The following IGFBPL1 variants were observed in gnomAD, a reference collection of about 807,000 sequenced individuals.
The protein encoded by IGFBPL1 is insulin like growth factor binding protein like 1.
A neutral mutation model predicts 23.9 loss-of-function variants in IGFBPL1; 20 were observed. The observed-to-expected ratio is 0.84, with a 90% CI of 0.59 to 1.22. The LOEUF (loss-of-function observed/expected upper bound fraction) is 1.22. Among genes scored for constraint, IGFBPL1 ranks in the 50% most tolerant of loss-of-function variants. The pLI is 0.00. For missense variants in IGFBPL1, 436 were observed against 379.3 expected (o/e 1.15, Z -1.24); for synonymous variants, 184 against 171.8 (o/e 1.07, Z -0.56).
intron 2 of IGFBPL1, 95 bp downstream of exon 2, chr9:38,413,999 A>AT: frequency 2.5e-6 from 2 of 808,608 alleles, no homozygotes; most frequent in Non-Finnish European, 4.2e-6. Flanking sequence ...AAAGAAAAAC[A>AT]TTTTTACCAC....
At chr9:38,423,815 C>A in intron 1 of IGFBPL1, 150 bp downstream of exon 1, 1 of 789,156 alleles carries the variant, frequency 1.3e-6, no homozygotes, top group Non-Finnish European at 1.7e-6. Flanking sequence ...TCTCTCTGAG[C>A]ACGAGGAGAG....
intron 4 of IGFBPL1, among the ~76,000 whole-genome samples, chr9:38,410,609 T>C (rs556300816): frequency 6.6e-6 from 1 of 152,316 alleles, no homozygotes; most frequent in African/African-American, 2.4e-5. Context: ...ACTGGAGCTG[T>C]TCCTCCAGCT....
At chr9:38,410,773 C>T (rs1483896163) in intron 4 of IGFBPL1, among the ~76,000 whole-genome samples, 1 of 152,230 alleles carries the variant, frequency 6.6e-6, no homozygotes, top group African/African-American at 2.4e-5. Flanking sequence ...ATCCCTTTCC[C>T]GAATTCCCAG....
intron 1 of IGFBPL1, among the ~76,000 whole-genome samples, chr9:38,416,025 G>C (rs1388053784): frequency 6.6e-6 from 1 of 152,154 alleles, no homozygotes; most frequent in Non-Finnish European, 1.5e-5. Context: ...CAGCCACAGA[G>C]AGCCACAACA....
chr9:38,421,511 A>T (rs763560184), intron 1 of IGFBPL1, among the ~76,000 whole-genome samples: 3 of 152,052 alleles, frequency 2.0e-5, no homozygotes, highest in Non-Finnish European at 2.9e-5. Flanking sequence ...TGAACAACAT[A>T]ATAAATACTT....
In IGFBPL1 at chr9:38,406,785, A is replaced by G. The variant is rs1325584245; in HGVS notation, c.*2442T>C. Among the ~76,000 whole-genome samples, 1 of 79,844 alleles carries G rather than the reference A, an allele frequency of 1.3e-5. No individual in the cohort carries two copies. Among genetic ancestry groups the G allele is most frequent in the East Asian group, 4.4e-4 (1 of 2,258 alleles). 52.4% of individuals were successfully genotyped at this position (79,844 alleles called of 152,430 possible). On this transcript the variant is annotated 3_prime_UTR_variant, in exon 5 of 5. Transcript: ENST00000377694. ...TTTGGTGAAAATTTCAGACAGTGTGACATTAATTATTTGTCTTTGCACAGA... is the reference window on the plus strand; with the variant it reads ...TTTGGTGAAAATTTCAGACAGTGTGGCATTAATTATTTGTCTTTGCACAGA...
Position 38,413,370 on chromosome 9 carries a change from T to G in IGFBPL1, c.571-17A>C, listed in dbSNP as rs1563919333. Reference sequence around the variant, plus strand: ...CTTCGTGACCTACAGGGGACAGGAATGCCAGGAGGGGGCTTAGAAAAAGCA... The same window carrying G: ...CTTCGTGACCTACAGGGGACAGGAAGGCCAGGAGGGGGCTTAGAAAAAGCA... On this transcript the variant is annotated splice_polypyrimidine_tract_variant and intron_variant, in intron 2 of 4. Transcript: ENST00000377694. 2 of 1,532,242 alleles carry G rather than the reference T, an allele frequency of 1.3e-6. No homozygotes were observed. Among genetic ancestry groups the G allele is most frequent in the Non-Finnish European group, 1.8e-6 (2 of 1,109,068 alleles). The allele number at this position is 1,532,242 out of a possible 1,614,324, so 94.9% of individuals were successfully genotyped here. A position where few individuals can be genotyped will look rare whatever the true frequency, so the allele number is the denominator to read the frequency against.
chr9:38,418,792 C>T (rs1043222499), intron 1 of IGFBPL1, among the ~76,000 whole-genome samples: 1 of 152,068 alleles, frequency 6.6e-6, no homozygotes, highest in Non-Finnish European at 1.5e-5. Context: ...ATCCAACCAT[C>T]CAAGGGCTAA....
At chr9:38,410,391 G>C (rs544024310) in intron 4 of IGFBPL1, among the ~76,000 whole-genome samples, 1 of 151,950 alleles carries the variant, frequency 6.6e-6, no homozygotes, top group South Asian at 2.1e-4. Flanking sequence ...GCTGAGGCAG[G>C]AGAGTGGCGT....
chr9:38,418,068 T>C, intron 1 of IGFBPL1, among the ~76,000 whole-genome samples: 1 of 152,184 alleles, frequency 6.6e-6, no homozygotes, highest in East Asian at 1.9e-4. Context: ...TATACAACAA[T>C]GAAACACCCC....
chr9:38,408,712 AG>A lies in IGFBPL1; in HGVS notation c.*514del, dbSNP rs968032466. Among the ~76,000 whole-genome samples, 27 of 152,328 alleles carry A rather than the reference AG, an allele frequency of 1.8e-4. No individual in the cohort carries two copies. Among genetic ancestry groups the A allele is most frequent in the African/African-American group, 6.3e-4 (26 of 41,572 alleles). On this transcript the variant is annotated 3_prime_UTR_variant, in exon 5 of 5. Coordinates refer to ENST00000377694, the MANE Select transcript of IGFBPL1 (RefSeq NM_001007563.3). ...CTTAATCTAGGATGGCAGGGCTAAA[AG>A]GGACATTGATAACATCCAGTTAAAA...
intron 1 of IGFBPL1, among the ~76,000 whole-genome samples, chr9:38,420,771 AG>A (rs539424397): frequency 4.2e-4 from 64 of 152,090 alleles, no homozygotes; most frequent in African/African-American, 1.5e-3. Flanking sequence ...CAGGAGGTGG[AG>A]CTTGCAGTGA....
At chr9:38,411,348 A>G (rs12377125) in intron 4 of IGFBPL1, 43 bp downstream of exon 4, 440,250 of 1,534,374 alleles carry the variant, frequency 0.29, 64,899 homozygotes, top group African/African-American at 0.34. Context: ...CAAATATCTC[A>G]TAACATGGGT....
rs546403335 is a variant in IGFBPL1, at chr9:38,413,332, T to A, written c.592A>T (p.Thr198Ser). 6.2e-7 allele frequency: 1 copy of A among 1,613,534 alleles called. No individual in the cohort carries two copies. Among genetic ancestry groups the A allele is most frequent in the African/African-American group, 1.3e-5 (1 of 75,024 alleles). Residue 198 changes from threonine to serine, a missense_variant, in exon 3 of 5, where the codon ACC (threonine) becomes TCC (serine). Physicochemically the swap from Thr to Ser is moderately conservative, Grantham distance 58. Transcript: ENST00000377694. Reference protein sequence around the residue: ...WRKVTKSPEGTQALEELPGDH... With the variant: ...WRKVTKSPEGSQALEELPGDH... Reference sequence around the variant, plus strand: ...CCAGGCAGCTCCTCCAGTGCTTGGGTGCCCTCAGGGGACTTCGTGACCTAC... The same window carrying A: ...CCAGGCAGCTCCTCCAGTGCTTGGGAGCCCTCAGGGGACTTCGTGACCTAC...
rs543647255 is a variant in IGFBPL1, at chr9:38,416,153, C to T, written c.461-1950G>A. On this transcript the variant is annotated intron_variant, in intron 1 of 4. Coordinates refer to ENST00000377694, the MANE Select transcript of IGFBPL1 (RefSeq NM_001007563.3). ...CTGGGATGCCGCCTCCAGGGAAGCC[C>T]AAACCAGTGCTCCAGTGGCTCGCTG... 5.9e-5 allele frequency among the ~76,000 whole-genome samples: 9 copies of T among 152,334 alleles called. No homozygotes were observed. In the South Asian group the frequency reaches 1.9e-3, roughly 32 times the overall value.
chr9:38,411,222 T>C (rs114049190), intron 4 of IGFBPL1, among the ~76,000 whole-genome samples, 169 bp downstream of exon 4: 1 of 152,350 alleles, frequency 6.6e-6, no homozygotes, highest in African/African-American at 2.4e-5. Flanking sequence ...GTGTGCAGAA[T>C]ATACCAGGGA....
chr9:38,415,492 G>A (rs1383828805), intron 1 of IGFBPL1, among the ~76,000 whole-genome samples: 1 of 152,108 alleles, frequency 6.6e-6, no homozygotes, highest in African/African-American at 2.4e-5. Context: ...AGACTAGTTT[G>A]GCCCCTCCAG....
At chr9:38,423,886 C>T in intron 1 of IGFBPL1, 79 bp downstream of exon 1, 1 of 1,254,238 alleles carries the variant, frequency 8.0e-7, no homozygotes, top group Non-Finnish European at 1.0e-6. Context: ...CACCACTGGG[C>T]AGGGGGATCC....
In IGFBPL1 at chr9:38,407,447, G is replaced by T. The variant is rs1301998334; in HGVS notation, c.*1780C>A. 6.6e-6 allele frequency among the ~76,000 whole-genome samples: 1 copy of T among 152,174 alleles called. No homozygotes were observed. The highest frequency in any genetic ancestry group is 1.5e-5 in the Non-Finnish European group (1 of 68,038). On this transcript the variant is annotated 3_prime_UTR_variant, in exon 5 of 5. Coordinates refer to ENST00000377694, the MANE Select transcript of IGFBPL1 (RefSeq NM_001007563.3). ...CTCCTTCTGCTGCATAGTACAGAAG[G>T]TGATGCCATCCCAATATATTAGACA...
Sources: gnomAD v4.1 joint callset for allele counts (sites outside exome capture counted in the v4.1 genomes callset) on GRCh38, gnomAD v4.1.1 for gene constraint, MANE v1.5 for transcripts, NCBI Gene and HGNC (gene_info 2026-07-23, HGNC 2026-07-21) for gene names.